The following MYO5B variants were observed in gnomAD, a reference collection of about 807,000 sequenced individuals.
MYO5B encodes the protein unconventional myosin-Vb.
Under a neutral mutation model 229.3 loss-of-function variants are expected in MYO5B, and 143 were observed. That is an observed-to-expected ratio of 0.62 (90% CI 0.54 to 0.72). The LOEUF is 0.72. Among genes scored for constraint, MYO5B ranks in the 30% least tolerant of loss-of-function variants. The pLI is 0.00. For synonymous variants in MYO5B, 918 were observed against 885.2 expected (o/e 1.04, Z -0.66); for missense variants, 2,321 against 2,331.0 (o/e 1.00, Z 0.09).
intron 1 of MYO5B, among the ~76,000 whole-genome samples, chr18:50,087,213 C>A (rs1385908205): frequency 3.9e-5 from 6 of 152,252 alleles, no homozygotes; most frequent in African/African-American, 1.4e-4. Flanking sequence ...CTAAAGATTG[C>A]CTGTTTACTC....
chr18:49,956,206 T>C (rs896891796), intron 12 of MYO5B, among the ~76,000 whole-genome samples: 3 of 152,256 alleles, frequency 2.0e-5, no homozygotes, highest in African/African-American at 7.2e-5. Context: ...GAGTCTCAGA[T>C]GATACTCATA....
intron 20 of MYO5B, among the ~76,000 whole-genome samples, chr18:49,903,960 T>C (rs1437624197): frequency 2.0e-5 from 3 of 152,202 alleles, no homozygotes; most frequent in Non-Finnish European, 4.4e-5. Context: ...GACCTGATGA[T>C]GCCCAATACC....
intron 27 of MYO5B, among the ~76,000 whole-genome samples, chr18:49,866,467 T>G (rs2024398059): frequency 6.6e-6 from 1 of 152,184 alleles, no homozygotes; most frequent in Non-Finnish European, 1.5e-5. Flanking sequence ...TTTCACCTTT[T>G]CCAGCTGAAA....
intron 1 of MYO5B, among the ~76,000 whole-genome samples, chr18:50,148,593 A>T (rs190551626): frequency 6.6e-6 from 1 of 152,396 alleles, no homozygotes; most frequent in Admixed American, 6.5e-5. Context: ...TCACATGATT[A>T]TCTCAATAGA....
chr18:49,991,209 G>C (rs1192876156), intron 6 of MYO5B, among the ~76,000 whole-genome samples: 1 of 152,166 alleles, frequency 6.6e-6, no homozygotes, highest in Non-Finnish European at 1.5e-5. Context: ...CAACCTGTGA[G>C]GTGCATATAA....
At position 49,954,506 on chromosome 18, in the gene MYO5B, G is replaced by A. The variant is rs2025469709; in HGVS notation, c.1546-71C>T. On this transcript the variant is annotated intron_variant, in intron 12 of 39. Transcript: ENST00000285039. ...AGGAAGCCCTGGGTTGCAGCAGAGG[G>A]ATGGGACCAGTAGGCTGGCTCTGTG... 6 of 1,595,318 alleles carry A rather than the reference G, an allele frequency of 3.8e-6. No individual in the cohort carries two copies. The South Asian group carries it at 6.6e-5, about 18-fold the overall frequency.
intron 1 of MYO5B, among the ~76,000 whole-genome samples, chr18:50,118,177 C>A (rs2031996989): frequency 6.6e-6 from 1 of 152,200 alleles, no homozygotes; most frequent in Admixed American, 6.5e-5. Flanking sequence ...CTGAGACCAG[C>A]TAGCATGACT....
At chr18:50,130,589 G>A (rs377729197) in intron 1 of MYO5B, among the ~76,000 whole-genome samples, 1 of 152,282 alleles carries the variant, frequency 6.6e-6, no homozygotes, top group African/African-American at 2.4e-5. Context: ...CTGAACTGGT[G>A]GGTACTGATG....
In MYO5B at chr18:50,083,602, A is replaced by C. The variant is rs181397775; in HGVS notation, c.28-28224T>G. Among the ~76,000 whole-genome samples, 16 of 152,338 alleles carry C rather than the reference A, an allele frequency of 1.1e-4. No individual in the cohort carries two copies. In the East Asian group the frequency reaches 3.1e-3, roughly 29 times the overall value. On this transcript the variant is annotated intron_variant, in intron 1 of 39. Transcript: ENST00000285039. ...TGCATGCTGCATGTGACACGTGGGCATCACAGCACTGAGCACACAAAGGCA... is the reference window on the plus strand; with the variant it reads ...TGCATGCTGCATGTGACACGTGGGCCTCACAGCACTGAGCACACAAAGGCA...
intron 4 of MYO5B, among the ~76,000 whole-genome samples, chr18:50,023,102 A>T (rs2144361208): frequency 6.7e-6 from 1 of 150,184 alleles, no homozygotes; most frequent in Middle Eastern, 3.4e-3. Flanking sequence ...TTCTTCTTAC[A>T]GATTTCCTAT....
chr18:50,072,309 A>C (rs951476147), intron 1 of MYO5B, among the ~76,000 whole-genome samples: 2 of 152,152 alleles, frequency 1.3e-5, no homozygotes, highest in Non-Finnish European at 2.9e-5. Context: ...AGTCTAGCTG[A>C]GGCTCTTCCA....
intron 1 of MYO5B, among the ~76,000 whole-genome samples, chr18:50,069,913 C>A (rs1192508316): frequency 6.6e-6 from 1 of 152,066 alleles, no homozygotes; most frequent in Non-Finnish European, 1.5e-5. Flanking sequence ...CTAGAACATG[C>A]CAGATAATGT....
At chr18:50,051,507 G>A (rs1298023072) in intron 2 of MYO5B, among the ~76,000 whole-genome samples, 1 of 152,144 alleles carries the variant, frequency 6.6e-6, no homozygotes, top group Non-Finnish European at 1.5e-5. Context: ...AAGGGAGGTG[G>A]GGCCAGGAGA....
At chr18:49,863,172 G>T in intron 29 of MYO5B, 55 bp downstream of exon 29, 4 of 1,369,584 alleles carry the variant, frequency 2.9e-6, no homozygotes, top group South Asian at 1.2e-5. Flanking sequence ...AGACTCGTTT[G>T]GGCAGGGCCC....
Position 49,879,104 on chromosome 18 carries a change from C to T in MYO5B, c.3131-14G>A, listed in dbSNP as rs773115219. ...GGGCAAATTCATCTGGAAAGCAACACGCTAAGCTGCAGTTTTTCTGGATGG... is the reference window on the plus strand; with the variant it reads ...GGGCAAATTCATCTGGAAAGCAACATGCTAAGCTGCAGTTTTTCTGGATGG... On this transcript the variant is annotated splice_polypyrimidine_tract_variant and intron_variant, in intron 23 of 39. Transcript: ENST00000285039. 63 of 1,614,004 alleles carry T rather than the reference C, an allele frequency of 3.9e-5. No homozygotes were observed. In the East Asian group the frequency reaches 4.2e-4, roughly 11 times the overall value.
At position 49,974,375 on chromosome 18, in the gene MYO5B, A is replaced by C; in HGVS notation, c.1297T>G (p.Phe433Val). The change falls in exon 10 of 40, where the codon TTC (phenylalanine) becomes GTC (valine). Residue 433 changes from phenylalanine (F) to valine (V), a missense_variant. By Grantham distance (50) the Phe-to-Val change is conservative. Transcript: ENST00000285039. ...CCATAGATGTCCAGGACCCCGATGA[A>C]GGAGTGCTGCTTGAGGGAGGTGTGC... ...ALHTSLKQHS[F>V]IGVLDIYGFE... 1 of 1,614,216 alleles carries C rather than the reference A, an allele frequency of 6.2e-7. No homozygotes were observed.
At position 49,926,999 on chromosome 18, in the gene MYO5B, T is replaced by G. The variant is rs934298615; in HGVS notation, c.2090+2513A>C. Among the ~76,000 whole-genome samples the G allele has an allele frequency of 5.9e-5, 9 of 152,032 alleles. No homozygotes were observed. In the East Asian group the frequency reaches 1.7e-3, roughly 29 times the overall value. On this transcript the variant is annotated intron_variant, in intron 17 of 39. Transcript: ENST00000285039. ...TTACAGAAAGTAGAAAGGTGGCTGC[T>G]AGGGACTGGGGGAGAGAGAATAGGG...
intron 4 of MYO5B, among the ~76,000 whole-genome samples, chr18:50,008,803 C>T (rs1460257045): frequency 3.9e-5 from 6 of 152,168 alleles, no homozygotes; most frequent in African/African-American, 7.2e-5. Context: ...TTAGGTGTGT[C>T]AACAGAATAT....
At chr18:49,963,199 G>A (rs2025581130) in intron 10 of MYO5B, among the ~76,000 whole-genome samples, 169 bp from the exon 11 acceptor site, 1 of 152,068 alleles carries the variant, frequency 6.6e-6, no homozygotes, top group South Asian at 2.1e-4. Flanking sequence ...ACTACACAGA[G>A]CCTAATTGAA....
Sources: gnomAD v4.1 joint callset for allele counts (sites outside exome capture counted in the v4.1 genomes callset) on GRCh38, gnomAD v4.1.1 for gene constraint, MANE v1.5 for transcripts, NCBI Gene and HGNC (gene_info 2026-07-23, HGNC 2026-07-21) for gene names.